The following AGAP4 variants were observed in gnomAD, a reference collection of about 807,000 sequenced individuals.
AGAP4 encodes ArfGAP with GTPase domain, ankyrin repeat and PH domain 4.
A neutral mutation model predicts 60.7 loss-of-function variants in AGAP4; 13 were observed. That is an observed-to-expected ratio of 0.21 (90% confidence interval 0.14 to 0.34). AGAP4 has a LOEUF of 0.34. Among genes scored for constraint, AGAP4 ranks in the 10% least tolerant of loss-of-function variants. The pLI is 1.00. For missense variants in AGAP4, 169 were observed against 884.0 expected, an observed-to-expected ratio of 0.19 and a Z score of 10.26; for synonymous variants, 70 against 339.0, an observed-to-expected ratio of 0.21 and a Z score of 8.72.
chr10:45,849,772 T>C (rs1294179442), upstream of AGAP4, among the ~76,000 whole-genome samples: 15 of 150,474 alleles, frequency 1.0e-4, no homozygotes, highest in East Asian at 2.0e-4. Context: ...TCCCAAGTAG[T>C]TGGGATTGCA....
At chr10:45,853,069 A>T (rs2059103769) in intron 1 of AGAP4, among the ~76,000 whole-genome samples, 1 of 152,036 alleles carries the variant, frequency 6.6e-6, no homozygotes, top group South Asian at 2.1e-4. Flanking sequence ...GTCTGTAATG[A>T]TCTTTTCTTA....
At chr10:45,828,417 C>A (rs2058679458) in intron 6 of AGAP4, among the ~76,000 whole-genome samples, 1 of 150,028 alleles carries the variant, frequency 6.7e-6, no homozygotes, top group African/African-American at 2.4e-5. Context: ...TTGTAGTAAA[C>A]TTTAATAAAT....
At chr10:45,849,473 GATTATT>G (rs782154006), upstream of AGAP4, among the ~76,000 whole-genome samples, 105 of 145,116 alleles carry the variant, frequency 7.2e-4, no homozygotes, top group South Asian at 1.1e-3. Flanking sequence ...TGATGATGAT[GATTATT>G]ATTATTATTA....
chr10:45,851,007 AT>A (rs1766636536), upstream of AGAP4, among the ~76,000 whole-genome samples: 1 of 151,846 alleles, frequency 6.6e-6, no homozygotes, highest in Non-Finnish European at 1.5e-5. Flanking sequence ...AAAAATCACC[AT>A]TTTTCATTTA....
chr10:45,843,844 T>G (rs2058958559), intron 3 of AGAP4, among the ~76,000 whole-genome samples: 1 of 149,710 alleles, frequency 6.7e-6, no homozygotes, highest in Non-Finnish European at 1.5e-5. Context: ...AACTTGGATG[T>G]GGTAAATGAA....
chr10:45,838,724 C>T (rs1192664619), intron 4 of AGAP4, among the ~76,000 whole-genome samples: 3 of 151,338 alleles, frequency 2.0e-5, no homozygotes, highest in African/African-American at 7.3e-5. Flanking sequence ...GCGCATGCCA[C>T]CAGGCCTGGC....
intron 3 of AGAP4, among the ~76,000 whole-genome samples, chr10:45,841,925 C>A (rs2058926002): frequency 6.6e-6 from 1 of 151,528 alleles, no homozygotes; most frequent in South Asian, 2.1e-4. Context: ...ATGAAAGAAT[C>A]CTCATGTACA....
In AGAP4 at chr10:45,826,891, C is replaced by T. The variant is rs373115594; in HGVS notation, c.1085G>A (p.Gly362Asp). Reference sequence around the variant, plus strand: ...CCCGGTGTCCATGTCCTTGGATAGGCCATTGCTTTTAGAGGTGGAGATGGG... The same window carrying T: ...CCCGGTGTCCATGTCCTTGGATAGGTCATTGCTTTTAGAGGTGGAGATGGG... ...CTPISTSKSN[G>D]LSKDMDTGLG... The change falls in exon 8 of 8, where the codon GGC becomes GAC. Residue 362 changes from glycine (G) to aspartate (D), a missense_variant. Coordinates refer to ENST00000616763, the MANE Select transcript of AGAP4 (RefSeq NM_001276343.3). 8.2e-4 allele frequency: 1,041 copies of T among 1,267,624 alleles called. 290 individuals carry two copies. The South Asian group carries it at 0.013, about 16-fold the overall frequency. The allele number at this position is 1,267,624 out of a possible 1,614,324, so 78.5% of individuals were successfully genotyped here.
At chr10:45,844,858 T>G (rs1360282663) in intron 2 of AGAP4, among the ~76,000 whole-genome samples, 3 of 133,292 alleles carry the variant, frequency 2.3e-5, no homozygotes, top group Admixed American at 1.5e-4. Context: ...CATTTCATTC[T>G]GAGGACACAG....
At chr10:45,829,911 A>G (rs1223226235) in intron 6 of AGAP4, among the ~76,000 whole-genome samples, 2 of 149,574 alleles carry the variant, frequency 1.3e-5, no homozygotes, top group African/African-American at 2.4e-5. Context: ...AATAAAACAT[A>G]AACCAATATA....
chr10:45,846,145 G>C (rs1354515565), intron 2 of AGAP4, among the ~76,000 whole-genome samples: 1 of 150,372 alleles, frequency 6.7e-6, no homozygotes, highest in African/African-American at 2.5e-5. Flanking sequence ...TAAGTCACCA[G>C]AATAAATCTG....
chr10:45,838,642 G>C (rs1367167418), intron 4 of AGAP4, among the ~76,000 whole-genome samples: 1 of 150,540 alleles, frequency 6.6e-6, no homozygotes, highest in South Asian at 2.1e-4. Context: ...TGCAATTATA[G>C]TTAACTGCAG....
chr10:45,852,230 A>AC (rs2059093528), upstream of AGAP4, among the ~76,000 whole-genome samples: 3 of 129,624 alleles, frequency 2.3e-5, no homozygotes, highest in Admixed American at 7.4e-5. Context: ...AAAAAAAAAA[A>AC]AAAAAAAAAA....
Position 45,853,517 on chromosome 10 carries a change from T to C in AGAP4, n.221+138A>G, listed in dbSNP as rs1397874437. On this transcript the variant is annotated intron_variant and non_coding_transcript_variant, in intron 1 of 9. Transcript: ENST00000430779. ...GAAGCTGTGAGGTTTCACAATGACA[T>C]GTCAGCCAAATACATATGCTCAGAT... 5 of 1,091,594 alleles carry C rather than the reference T, an allele frequency of 4.6e-6. No individual in the cohort carries two copies. The South Asian group carries it at 4.8e-5, about 10-fold the overall frequency. The allele number at this position is 1,091,594 out of a possible 1,614,324, so 67.6% of individuals were successfully genotyped here. A position where few individuals can be genotyped will look rare whatever the true frequency, so the allele number is the denominator to read the frequency against.
chr10:45,852,488 GA>G, upstream of AGAP4, among the ~76,000 whole-genome samples: 1 of 150,166 alleles, frequency 6.7e-6, no homozygotes, highest in East Asian at 2.0e-4. Context: ...AGAGGAAGAG[GA>G]AAAAATAATA....
intron 5 of AGAP4, among the ~76,000 whole-genome samples, chr10:45,831,642 G>A (rs1206545089): frequency 8.9e-5 from 11 of 124,124 alleles, no homozygotes; most frequent in Non-Finnish European, 1.6e-4. Flanking sequence ...GTTAGAAGAC[G>A]CGTTTCTGTT....
chr10:45,844,298 C>A, intron 3 of AGAP4, 28 bp downstream of exon 3: 1 of 1,593,818 alleles, frequency 6.3e-7, no homozygotes. Flanking sequence ...TATTCTTTCT[C>A]TTGGTGGAAA....
chr10:45,838,675 G>A (rs1476290599), intron 4 of AGAP4, among the ~76,000 whole-genome samples: 3,287 of 151,020 alleles, frequency 0.022, 69 homozygotes, highest in African/African-American at 0.075. Flanking sequence ...GAGCTCAAGC[G>A]ATCCTCTGCC....
At chr10:45,838,650 C>T (rs1418344304) in intron 4 of AGAP4, among the ~76,000 whole-genome samples, 1 of 150,706 alleles carries the variant, frequency 6.6e-6, no homozygotes, top group Admixed American at 6.6e-5. Context: ...TAGTTAACTG[C>T]AGCCTCAAAC....
Sources: gnomAD v4.1 joint callset for allele counts (sites outside exome capture counted in the v4.1 genomes callset) on GRCh38, gnomAD v4.1.1 for gene constraint, MANE v1.5 for transcripts, NCBI Gene and HGNC (gene_info 2026-07-23, HGNC 2026-07-21) for gene names.